Variants in ZC3HAV1 observed in about 807,000 individuals in gnomAD.
ZC3HAV1 encodes the protein zinc finger CCCH-type antiviral protein 1.
Under a neutral mutation model 86.6 loss-of-function variants are expected in ZC3HAV1, and 41 were observed. The ratio of observed to expected loss-of-function variants is 0.47; its 90% CI spans 0.37 to 0.61. The LOEUF is 0.61. Ranked by LOEUF, ZC3HAV1 falls within the 20% of genes least tolerant of loss-of-function variation. The pLI, the probability that ZC3HAV1 is intolerant of heterozygous loss-of-function variation, is 0.00. For synonymous variants in ZC3HAV1, 421 were observed against 432.1 expected, an observed-to-expected ratio of 0.97 and a Z score of 0.32; for missense variants, 964 against 1,141.1, an observed-to-expected ratio of 0.84 and a Z score of 2.24.
In ZC3HAV1 at chr7:139,045,673, T is replaced by C. The variant is rs536147141; in HGVS notation, c.*1921A>G. The C allele has an allele frequency of 2.6e-5, 4 of 152,068 alleles. No homozygotes were observed. Among genetic ancestry groups the C allele is most frequent in the Non-Finnish European group, 5.9e-5 (4 of 68,026 alleles). 9.4% of individuals were successfully genotyped at this position (152,068 alleles called of 1,614,324 possible). On this transcript the variant is annotated 3_prime_UTR_variant, in exon 13 of 13. Coordinates refer to ENST00000242351, the MANE Select transcript of ZC3HAV1 (RefSeq NM_020119.4). ...AACAGGTTCATGTGAGGGAGGTAGA[T>C]GGAGAGTTCCACTTTGGACATATTG...
intron 7 of ZC3HAV1, among the ~76,000 whole-genome samples, chr7:139,071,991 G>A (rs1451800427): frequency 6.6e-6 from 1 of 152,178 alleles, no homozygotes; most frequent in Non-Finnish European, 1.5e-5. Context: ...ACATAACAGA[G>A]TAGTGCCTCT....
At chr7:139,060,878 C>T in intron 9 of ZC3HAV1, 158 bp downstream of exon 9, 1 of 1,551,950 alleles carries the variant, frequency 6.4e-7, no homozygotes. Context: ...TGCTGCTTAA[C>T]AAGCATCTTA....
chr7:139,070,713 G>T (rs1193667960), intron 7 of ZC3HAV1, among the ~76,000 whole-genome samples: 1 of 151,330 alleles, frequency 6.6e-6, no homozygotes, highest in Non-Finnish European at 1.5e-5. Context: ...GGGTGCGGTG[G>T]CTTACACCTG....
intron 1 of ZC3HAV1, among the ~76,000 whole-genome samples, chr7:139,097,428 A>ATATATATATATATATATATTTTTTTTT: frequency 2.1e-5 from 1 of 48,158 alleles, no homozygotes; most frequent in South Asian, 9.4e-4. Context: ...ATATATATAT[A>ATATATATATATATATATATTTTTTTTT]TTTTTTTTTT....
rs143494441 is a variant in ZC3HAV1, at chr7:139,107,212, T to C, written c.308+1812A>G. ...CTCTCTTCTCCTTCTCAGAGATTTCTTCAGTGACCAGCAATGACTTAGATG... is the reference window on the plus strand; with the variant it reads ...CTCTCTTCTCCTTCTCAGAGATTTCCTCAGTGACCAGCAATGACTTAGATG... On this transcript the variant is annotated intron_variant, in intron 1 of 12. Transcript: ENST00000242351. Among the ~76,000 whole-genome samples, 506 of 152,322 alleles carry C rather than the reference T, an allele frequency of 3.3e-3. 4 individuals are homozygous for C. Among genetic ancestry groups the C allele is most frequent in the African/African-American group, 0.012 (495 of 41,572 alleles).
chr7:139,077,968 G>A (rs185106683), intron 5 of ZC3HAV1, among the ~76,000 whole-genome samples: 11 of 152,346 alleles, frequency 7.2e-5, no homozygotes, highest in Non-Finnish European at 1.6e-4. Context: ...GCTGGGCACA[G>A]TGGCTCATGC....
intron 8 of ZC3HAV1, among the ~76,000 whole-genome samples, chr7:139,064,209 C>G (rs1032891884): frequency 1.3e-5 from 2 of 152,220 alleles, no homozygotes; most frequent in African/African-American, 2.4e-5. Flanking sequence ...CTCAGAAAGG[C>G]TCCTTTACCT....
intron 1 of ZC3HAV1, among the ~76,000 whole-genome samples, chr7:139,103,049 A>T (rs1272712163): frequency 1.3e-5 from 2 of 150,030 alleles, no homozygotes; most frequent in South Asian, 2.1e-4. Context: ...TTGTAAAAAA[A>T]TTTTTTTGGA....
rs140606352 is a variant in ZC3HAV1 at position 139,079,475 on chromosome 7, A to C, written c.1466T>G (p.Val489Gly). The change falls in exon 4 of 13, where the codon GTT becomes GGT. Residue 489 changes from valine (V) to glycine (G), a missense_variant. Physicochemically the swap from Val to Gly is moderately radical, Grantham distance 109. Transcript: ENST00000242351. ...TGTCTTCCCTTTGTATTTACCGTTAACAAGTGCTACTCTTGGGTCAGCATC... is the reference window on the plus strand; with the variant it reads ...TGTCTTCCCTTTGTATTTACCGTTACCAAGTGCTACTCTTGGGTCAGCATC... Reference protein sequence around the residue: ...ADDADPRVALVNDSLSDVTST... With the variant: ...ADDADPRVALGNDSLSDVTST... 123 of 1,613,970 alleles carry C rather than the reference A, an allele frequency of 7.6e-5. No homozygotes were observed. Among genetic ancestry groups the C allele is most frequent in the Non-Finnish European group, 9.8e-5 (116 of 1,180,004 alleles).
At chr7:139,093,420 G>A (rs1303134866) in intron 1 of ZC3HAV1, among the ~76,000 whole-genome samples, 1 of 152,212 alleles carries the variant, frequency 6.6e-6, no homozygotes, top group East Asian at 1.9e-4. Context: ...TGTGATTAGT[G>A]TCAGGCCTCT....
At chr7:139,050,879 C>T (rs898123912) in intron 12 of ZC3HAV1, among the ~76,000 whole-genome samples, 2 of 152,114 alleles carry the variant, frequency 1.3e-5, no homozygotes, top group Non-Finnish European at 2.9e-5. Context: ...CATTCCCCAG[C>T]TTAAAACCTT....
intron 2 of ZC3HAV1, among the ~76,000 whole-genome samples, chr7:139,088,052 A>T (rs946129906): frequency 2.0e-5 from 3 of 150,278 alleles, no homozygotes; most frequent in African/African-American, 7.4e-5. Flanking sequence ...AAAAAAAAAA[A>T]AAAGAAAAAA....
intron 1 of ZC3HAV1, among the ~76,000 whole-genome samples, chr7:139,104,088 A>C (rs1817855048): frequency 6.6e-6 from 1 of 152,184 alleles, no homozygotes; most frequent in Non-Finnish European, 1.5e-5. Context: ...AAATGTGAAC[A>C]CTTATTTATC....
intron 6 of ZC3HAV1, among the ~76,000 whole-genome samples, chr7:139,074,306 G>T (rs1449652633): frequency 1.3e-5 from 2 of 152,064 alleles, no homozygotes; most frequent in East Asian, 3.8e-4. Flanking sequence ...CTCCTGATTG[G>T]CTCAATGTTA....
intron 1 of ZC3HAV1, among the ~76,000 whole-genome samples, chr7:139,096,359 C>T (rs1402115107): frequency 1.3e-5 from 2 of 152,152 alleles, no homozygotes; most frequent in Admixed American, 6.5e-5. Flanking sequence ...CAAGCCCCCT[C>T]TCCTCTCACA....
intron 10 of ZC3HAV1, among the ~76,000 whole-genome samples, chr7:139,054,463 G>A (rs1408267727): frequency 1.3e-5 from 2 of 152,356 alleles, no homozygotes; most frequent in East Asian, 3.9e-4. Flanking sequence ...GGGAGGCTAA[G>A]CAATCTAGGA....
intron 9 of ZC3HAV1, among the ~76,000 whole-genome samples, 154 bp from the exon 10 acceptor site, chr7:139,055,449 T>A (rs2297238): frequency 5.3e-5 from 8 of 151,778 alleles, no homozygotes; most frequent in Admixed American, 5.2e-4. Context: ...CACATATTCC[T>A]GGTATAGATG....
rs772718618 is a variant in ZC3HAV1 at position 139,079,562 on chromosome 7, G to C, written c.1379C>G (p.Pro460Arg). Residue 460 changes from proline to arginine, a missense_variant, in exon 4 of 13, where the codon CCT becomes CGT. By Grantham distance (103) the Pro-to-Arg change is moderately radical. Transcript: ENST00000242351. ...AGCAGGTCCAGCATCCTGAATCCTA[G>C]GTGATGATATTTCTCTGTGACCGCT... ...TSSGHREISS[P>R]RIQDAGPASR... 1 of 1,614,184 alleles carries C rather than the reference G, an allele frequency of 6.2e-7. No individual in the cohort carries two copies. The highest frequency in any genetic ancestry group is 8.5e-7 in the Non-Finnish European group (1 of 1,180,034).
chr7:139,076,251 G>T (rs1053208979), intron 6 of ZC3HAV1, 35 bp downstream of exon 6: 1 of 1,613,712 alleles, frequency 6.2e-7, no homozygotes, highest in Non-Finnish European at 8.5e-7. Flanking sequence ...GATAATGTTG[G>T]ACTCTTGAAA....
Sources: allele counts gnomAD v4.1 joint callset (sites outside exome capture counted in the v4.1 genomes callset), GRCh38; gene constraint gnomAD v4.1.1; transcripts MANE v1.5; gene names NCBI Gene and HGNC (gene_info 2026-07-23, HGNC 2026-07-21).